Variants in TAOK3 observed in about 807,000 individuals in gnomAD.
The protein encoded by TAOK3 is TAO kinase 3.
A neutral mutation model predicts 120.4 loss-of-function variants in TAOK3; 40 were observed. That is an observed-to-expected ratio of 0.33 (90% CI 0.26 to 0.43). The LOEUF (loss-of-function observed/expected upper bound fraction) is 0.43, where lower values mean the gene tolerates loss of function less well. Ranked by LOEUF, TAOK3 falls within the 20% of genes least tolerant of loss-of-function variation. The pLI is 1.00. For missense variants in TAOK3, 821 were observed against 1,112.1 expected, an observed-to-expected ratio of 0.74 and a Z score of 3.72; for synonymous variants, 355 against 387.5, an observed-to-expected ratio of 0.92 and a Z score of 0.99.
intron 1 of TAOK3, among the ~76,000 whole-genome samples, chr12:118,362,379 A>G (rs1465084511): frequency 1.3e-5 from 2 of 151,810 alleles, no homozygotes; most frequent in East Asian, 1.9e-4. Flanking sequence ...ATGTTTTAAG[A>G]AAGTTTACAA....
chr12:118,367,627 T>C (rs923876731), intron 1 of TAOK3, among the ~76,000 whole-genome samples: 4 of 152,180 alleles, frequency 2.6e-5, no homozygotes, highest in Non-Finnish European at 5.9e-5. Flanking sequence ...TAAAGCTAAA[T>C]TGTCACAAAT....
chr12:118,203,078 C>A (rs551047892), intron 11 of TAOK3, among the ~76,000 whole-genome samples: 1 of 152,192 alleles, frequency 6.6e-6, no homozygotes, highest in East Asian at 1.9e-4. Flanking sequence ...CCGCACCGCA[C>A]CTTGTTCTAT....
intron 1 of TAOK3, among the ~76,000 whole-genome samples, chr12:118,272,291 C>CAAAAAAA (rs773516018): frequency 1.6e-5 from 1 of 64,182 alleles, no homozygotes; most frequent in Non-Finnish European, 3.2e-5. Context: ...GACTCCATCT[C>CAAAAAAA]AAAAAAAAAA....
chr12:118,188,536 A>C (rs1056116378), intron 14 of TAOK3, among the ~76,000 whole-genome samples: 1 of 152,220 alleles, frequency 6.6e-6, no homozygotes, highest in African/African-American at 2.4e-5. Flanking sequence ...GTTTAAATTA[A>C]ATTGCTTGCT....
chr12:118,236,424 CA>C (rs1403915072), intron 7 of TAOK3: 2 of 151,950 alleles, frequency 1.3e-5, no homozygotes, highest in Non-Finnish European at 2.9e-5. Context: ...AAATATAATT[CA>C]AAAAATTCAT....
chr12:118,151,261 T>G (rs1232143834), intron 20 of TAOK3, 103 bp from the exon 21 acceptor site: 26 of 1,156,800 alleles, frequency 2.2e-5, no homozygotes, highest in Middle Eastern at 2.2e-4. Flanking sequence ...CACACACACA[T>G]AGGCACACAC....
At chr12:118,326,441 T>C (rs1027799599) in intron 1 of TAOK3, among the ~76,000 whole-genome samples, 2 of 152,152 alleles carry the variant, frequency 1.3e-5, no homozygotes, top group African/African-American at 4.8e-5. Flanking sequence ...TTCCTCCAGT[T>C]TTCTTCTTTT....
In TAOK3 at chr12:118,331,609, C is replaced by T. The variant is rs190868273; in HGVS notation, c.-194+41039G>A. 7.8e-4 allele frequency among the ~76,000 whole-genome samples: 108 copies of T among 138,334 alleles called. 3 individuals are homozygous for T. The highest frequency in any genetic ancestry group is 5.6e-3 in the Admixed American group (74 of 13,156). The allele number at this position is 138,334 out of a possible 152,430, so 90.8% of individuals were successfully genotyped here. ...GCAGTGATCCAAGAACATACCACTG[C>T]ACTCCAGCCTGGGCAACAGAACGAG... On this transcript the variant is annotated intron_variant, in intron 1 of 20. Transcript: ENST00000392533.
intron 13 of TAOK3, among the ~76,000 whole-genome samples, chr12:118,197,356 G>A (rs770363523): frequency 6.6e-6 from 1 of 152,036 alleles, no homozygotes. Context: ...AATTTTATCT[G>A]TTCTACTTAA....
chr12:118,163,251 G>A (rs1251342530), intron 17 of TAOK3, among the ~76,000 whole-genome samples: 1 of 152,160 alleles, frequency 6.6e-6, no homozygotes, highest in African/African-American at 2.4e-5. Flanking sequence ...GAAGTGCAGG[G>A]AATATACTGA....
intron 1 of TAOK3, among the ~76,000 whole-genome samples, chr12:118,289,977 A>C (rs2042412279): frequency 6.6e-6 from 1 of 151,746 alleles, no homozygotes; most frequent in African/African-American, 2.4e-5. Flanking sequence ...CTGGGCAAAA[A>C]CAGTGAAACT....
Position 118,201,467 on chromosome 12 carries a change from A to C in TAOK3, c.820-4T>G. The C allele has an allele frequency of 1.2e-6, 2 of 1,600,568 alleles. No individual in the cohort carries two copies. Among genetic ancestry groups the C allele is most frequent in the Non-Finnish European group, 1.7e-6 (2 of 1,172,752 alleles). On this transcript the variant is annotated splice_region_variant and splice_polypyrimidine_tract_variant and intron_variant, in intron 11 of 20. Transcript: ENST00000392533. The stretch of plus-strand genomic sequence containing the variant: ...GGTCTCGTCGAACAAAGTCATGCTG[A>C]TTGAGGGAGGAGGAAAAAATAAACT...
rs1383657483 is a variant in TAOK3 at position 118,189,914 on chromosome 12, C to T, written c.1222G>A (p.Gly408Ser). ...GGCTCAGGCCTGGGATCGCCGTGGC[C>T]CGCCTCATCCCTTATGAATACATGA... The part of the protein sequence containing the change: ...KDHVFIRDEA[G>S]HGDPRPEPRP... Residue 408 changes from glycine (G) to serine (S), a missense_variant, in exon 14 of 21, where the codon GGC (glycine) becomes AGC (serine). Gly to Ser is a moderately conservative substitution (Grantham distance 56, BLOSUM62 0). Transcript: ENST00000392533. The T allele has an allele frequency of 1.2e-6, 2 of 1,614,164 alleles. No individual in the cohort carries two copies. Among genetic ancestry groups the T allele is most frequent in the Non-Finnish European group, 8.5e-7 (1 of 1,180,026 alleles).
chr12:118,179,318 A>T (rs529009786), intron 15 of TAOK3, among the ~76,000 whole-genome samples: 1 of 152,248 alleles, frequency 6.6e-6, no homozygotes, highest in South Asian at 2.1e-4. Context: ...TTTCAACACT[A>T]TGGAAGTCTC....
At chr12:118,318,625 T>C (rs2043574328) in intron 1 of TAOK3, among the ~76,000 whole-genome samples, 1 of 152,016 alleles carries the variant, frequency 6.6e-6, no homozygotes. Context: ...TTGTACACTG[T>C]TAGTGGGAAT....
chr12:118,184,263 T>C (rs2036942944), intron 14 of TAOK3, among the ~76,000 whole-genome samples: 1 of 152,206 alleles, frequency 6.6e-6, no homozygotes. Context: ...GATACTAAGC[T>C]TTATAATTCC....
chr12:118,218,741 AT>A (rs759699103), intron 9 of TAOK3, among the ~76,000 whole-genome samples: 1 of 151,998 alleles, frequency 6.6e-6, no homozygotes, highest in Non-Finnish European at 1.5e-5. Context: ...GACCAACCGT[AT>A]TTAAAACCAC....
chr12:118,235,736 C>G (rs1314933765), intron 7 of TAOK3, 65 bp from the exon 8 acceptor site: 1 of 1,002,076 alleles, frequency 1.0e-6, no homozygotes, highest in Non-Finnish European at 1.5e-6. Context: ...TAGGTCAGAG[C>G]ATGCAATTAA....
intron 5 of TAOK3, among the ~76,000 whole-genome samples, chr12:118,239,766 A>T (rs1472934762): frequency 6.6e-6 from 1 of 152,242 alleles, no homozygotes; most frequent in Non-Finnish European, 1.5e-5. Flanking sequence ...TTTGAACTGA[A>T]TCTGAAGATG....
Sources: allele counts gnomAD v4.1 joint callset (sites outside exome capture counted in the v4.1 genomes callset), GRCh38; gene constraint gnomAD v4.1.1; transcripts MANE v1.5; gene names NCBI Gene and HGNC (gene_info 2026-07-23, HGNC 2026-07-21).